Variants in ATCAY observed in about 807,000 individuals in gnomAD.
ATCAY encodes the protein ATCAY kinesin light chain interacting caytaxin.
A neutral mutation model predicts 47.7 loss-of-function variants in ATCAY; 22 were observed. That is an observed-to-expected ratio of 0.46 (90% CI 0.33 to 0.66). ATCAY has a LOEUF of 0.66. Ranked by LOEUF, ATCAY falls within the 30% of genes least tolerant of loss-of-function variation. The pLI is 0.02. For missense variants in ATCAY, 452 were observed against 515.0 expected, an observed-to-expected ratio of 0.88 and a Z score of 1.18; for synonymous variants, 216 against 207.6, an observed-to-expected ratio of 1.04 and a Z score of -0.35.
intron 9 of ATCAY, among the ~76,000 whole-genome samples, chr19:3,914,885 C>T (rs996162435): frequency 1.3e-5 from 2 of 152,002 alleles, no homozygotes; most frequent in Non-Finnish European, 2.9e-5. Context: ...AACACCCCCC[C>T]ACCGGGTCCC....
rs1419909297 is a variant in ATCAY at position 3,926,228 on chromosome 19, C to T, written c.*1636C>T. The T allele has an allele frequency of 6.6e-6, 1 of 152,182 alleles. No homozygotes were observed. Among genetic ancestry groups the T allele is most frequent in the Non-Finnish European group, 1.5e-5 (1 of 68,072 alleles). 9.4% of individuals were successfully genotyped at this position (152,182 alleles called of 1,614,324 possible). ...GGCTGAGGCAGGAGAACTGCTTGAA[C>T]CCAGGAGGCAGAGGTTGCAGTGATC... On this transcript the variant is annotated 3_prime_UTR_variant, in exon 13 of 13. Transcript: ENST00000450849.
chr19:3,899,338 G>A (rs922973957), intron 2 of ATCAY, among the ~76,000 whole-genome samples: 1 of 126,770 alleles, frequency 7.9e-6, no homozygotes, highest in African/African-American at 3.0e-5. Context: ...TTTTGAGAGA[G>A]AGTCTCACTT....
intron 1 of ATCAY, among the ~76,000 whole-genome samples, chr19:3,882,287 C>T (rs1446430007): frequency 2.0e-5 from 3 of 151,756 alleles, no homozygotes; most frequent in African/African-American, 7.3e-5. Context: ...GCTGGGATTA[C>T]ACGTGTGAGC....
chr19:3,911,598 CTACA>C (rs944885149), intron 8 of ATCAY, among the ~76,000 whole-genome samples: 5 of 151,220 alleles, frequency 3.3e-5, no homozygotes, highest in African/African-American at 1.2e-4. Flanking sequence ...AAATTTAAAA[CTACA>C]TATATTCTAT....
In ATCAY at chr19:3,921,326, C is replaced by A. The variant is rs550304164; in HGVS notation, c.1106+528C>A. On this transcript the variant is annotated intron_variant, in intron 12 of 12. Coordinates refer to ENST00000450849, the MANE Select transcript of ATCAY (RefSeq NM_033064.5). ...AGGAGTTCAAGACCAGCCTGGGCAA[C>A]ATGGCAAGACCCCGTCCCTAAAAAA... 8.0e-5 allele frequency among the ~76,000 whole-genome samples: 12 copies of A among 149,362 alleles called. 1 individual carries two copies. In the South Asian group the frequency reaches 2.3e-3, roughly 29 times the overall value.
intron 10 of ATCAY, among the ~76,000 whole-genome samples, chr19:3,918,241 C>G (rs2038982904): frequency 1.3e-5 from 2 of 151,990 alleles, no homozygotes; most frequent in Non-Finnish European, 2.9e-5. Context: ...AAAAATTAGC[C>G]AGGCGTGGTG....
chr19:3,883,953 C>G (rs893147494), intron 1 of ATCAY, among the ~76,000 whole-genome samples: 5 of 152,046 alleles, frequency 3.3e-5, no homozygotes, highest in Non-Finnish European at 2.9e-5. Flanking sequence ...CTGCTCCCCC[C>G]TGCCCTGCCC....
At chr19:3,890,373 C>T (rs970695885) in intron 2 of ATCAY, among the ~76,000 whole-genome samples, 7 of 149,412 alleles carry the variant, frequency 4.7e-5, no homozygotes, top group Non-Finnish European at 1.0e-4. Context: ...AGCAATTCTC[C>T]CACCTCAGCC....
intron 8 of ATCAY, among the ~76,000 whole-genome samples, chr19:3,912,401 C>T (rs2038931255): frequency 6.6e-6 from 1 of 151,956 alleles, no homozygotes; most frequent in South Asian, 2.1e-4. Context: ...GCAAGCTCCG[C>T]CTCCCGGGTT....
At chr19:3,909,184 C>T (rs1431114877) in intron 6 of ATCAY, among the ~76,000 whole-genome samples, 1 of 138,664 alleles carries the variant, frequency 7.2e-6, no homozygotes, top group Non-Finnish European at 1.5e-5. Context: ...TTGCAGTGAG[C>T]CGAGATCGCA....
At chr19:3,904,635 T>TACACACAC (rs58093726) in intron 3 of ATCAY, among the ~76,000 whole-genome samples, 1 of 149,138 alleles carries the variant, frequency 6.7e-6, no homozygotes, top group Non-Finnish European at 1.5e-5. Flanking sequence ...AAAATATGTA[T>TACACACAC]ACACACACAC....
intron 7 of ATCAY, among the ~76,000 whole-genome samples, chr19:3,910,309 T>C (rs924308487): frequency 2.0e-5 from 3 of 152,176 alleles, no homozygotes; most frequent in Non-Finnish European, 4.4e-5. Flanking sequence ...CTGCATAATA[T>C]TCCACTGTAT....
At chr19:3,913,932 C>A in intron 9 of ATCAY, 76 bp downstream of exon 9, 1 of 1,370,468 alleles carries the variant, frequency 7.3e-7, no homozygotes, top group Non-Finnish European at 1.0e-6. Flanking sequence ...TGAGACAGGG[C>A]AATTTACAAA....
intron 7 of ATCAY, 33 bp from the exon 8 acceptor site, chr19:3,910,770 A>G: frequency 6.2e-7 from 1 of 1,612,946 alleles, no homozygotes; most frequent in South Asian, 1.1e-5. Context: ...TCGCCCCAGG[A>G]GCCCATCTTG....
chr19:3,924,174 G>C (rs1191520091), intron 12 of ATCAY, among the ~76,000 whole-genome samples: 1 of 150,634 alleles, frequency 6.6e-6, no homozygotes, highest in African/African-American at 2.4e-5. Flanking sequence ...GTGGCTGGAT[G>C]GGTGGGCAGA....
intron 2 of ATCAY, among the ~76,000 whole-genome samples, chr19:3,900,098 T>C (rs2038803395): frequency 1.3e-5 from 2 of 152,126 alleles, no homozygotes; most frequent in South Asian, 4.1e-4. Context: ...CATTGATCAA[T>C]AACAATATTG....
rs571967208 is a variant in ATCAY, at chr19:3,924,700, A to G, written c.*108A>G. On this transcript the variant is annotated 3_prime_UTR_variant, in exon 13 of 13. Transcript: ENST00000450849. ...TCATCCTGCCTCATCCTGAGTCCCA[A>G]TCTTCCAAGGGTGCCAGCCCCTCCG... 58 of 1,256,642 alleles carry G rather than the reference A, an allele frequency of 4.6e-5. No homozygotes were observed. Among genetic ancestry groups the G allele is most frequent in the South Asian group, 6.4e-5 (5 of 77,838 alleles). The allele number at this position is 1,256,642 out of a possible 1,614,324, so 77.8% of individuals were successfully genotyped here.
intron 2 of ATCAY, among the ~76,000 whole-genome samples, chr19:3,902,182 C>T (rs994978889): frequency 6.6e-6 from 1 of 151,738 alleles, no homozygotes; most frequent in East Asian, 1.9e-4. Context: ...ATTAGCCAGC[C>T]GTGGTGGTGT....
rs1403968720 is a variant in ATCAY at position 3,907,503 on chromosome 19, C to G, written c.359-231C>G. 6.6e-6 allele frequency among the ~76,000 whole-genome samples: 1 copy of G among 152,164 alleles called. No homozygotes were observed. The highest frequency in any genetic ancestry group is 2.4e-5 in the African/African-American group (1 of 41,434). On this transcript the variant is annotated intron_variant, in intron 4 of 12. Transcript: ENST00000450849. This position sits in a 1 kb window ranked among gnomAD's most constrained non-coding sequence, Gnocchi z 5.1. Reference sequence around the variant, plus strand: ...TTAACCAACAGAGTGCCCTGGGAGGCCAGCAAAGGGAATGTCCAGAAAGGC... The same window carrying G: ...TTAACCAACAGAGTGCCCTGGGAGGGCAGCAAAGGGAATGTCCAGAAAGGC...
Sources: gnomAD v4.1 joint callset for allele counts (sites outside exome capture counted in the v4.1 genomes callset) on GRCh38, gnomAD v4.1.1 for gene constraint, Gnocchi (gnomAD v3.1) non-coding constraint, MANE v1.5 for transcripts, NCBI Gene and HGNC (gene_info 2026-07-23, HGNC 2026-07-21) for gene names.